FAAH2: variants seen among roughly 807,000 people sequenced by gnomAD.
FAAH2 encodes fatty acid amide hydrolase 2, also known as fatty-acid amide hydrolase 2.
FAAH2 carries 60 observed loss-of-function variants against 36.9 expected under a neutral mutation model. That is an observed-to-expected ratio of 1.63 (90% CI 1.32 to 2.02). The LOEUF is 2.02. Ranked by LOEUF, FAAH2 falls within the 30% of genes most tolerant of loss-of-function variation. The pLI is 0.00. For synonymous variants in FAAH2, 214 were observed against 143.8 expected, an observed-to-expected ratio of 1.49 and a Z score of -3.49; for missense variants, 689 against 397.5, an observed-to-expected ratio of 1.73 and a Z score of -6.23.
chrX:57,196,272 T>C, the FAAH2 span, among the ~76,000 whole-genome samples: 1 of 112,070 alleles, frequency 8.9e-6, no homozygotes. Flanking sequence ...GTAGAGGTCT[T>C]TTACCTCCTT....
At chrX:57,330,739 T>G (rs1433107020) in intron 3 of FAAH2, among the ~76,000 whole-genome samples, 1 of 111,725 alleles carries the variant, frequency 9.0e-6, no homozygotes, top group Non-Finnish European at 1.9e-5. Context: ...TCTGTTCCTT[T>G]ATTTCTCAAA....
chrX:57,310,567 G>A (rs2052664555), intron 2 of FAAH2, 26 bp from the exon 3 acceptor site: 1 of 1,180,253 alleles, frequency 8.5e-7, no homozygotes, highest in African/African-American at 1.8e-5. Flanking sequence ...TTTAGTTAAA[G>A]TTTGCATTGT....
intron 3 of FAAH2, among the ~76,000 whole-genome samples, chrX:57,319,594 G>A (rs901070691): frequency 8.9e-6 from 1 of 111,936 alleles, no homozygotes; most frequent in African/African-American, 3.2e-5. Context: ...TGGCCATACT[G>A]CCCAAGTAAT....
chrX:57,222,146 G>C, the FAAH2 span, among the ~76,000 whole-genome samples: 1 of 111,218 alleles, frequency 9.0e-6, no homozygotes, highest in African/African-American at 3.3e-5. Context: ...AGTCCCTCCT[G>C]CCTCCGCAAA....
the FAAH2 span, among the ~76,000 whole-genome samples, chrX:57,194,756 T>C: frequency 9.0e-6 from 1 of 110,800 alleles, no homozygotes; most frequent in Non-Finnish European, 1.9e-5. Context: ...TTCCACTCAG[T>C]ACCCAAAGTC....
At chrX:57,155,941 C>T in the FAAH2 span, among the ~76,000 whole-genome samples, 1 of 111,987 alleles carries the variant, frequency 8.9e-6, no homozygotes, top group Non-Finnish European at 1.9e-5. Flanking sequence ...TGATCTAGAC[C>T]TTCAGGTTAC....
the FAAH2 span, among the ~76,000 whole-genome samples, chrX:57,266,965 A>C: frequency 2.7e-5 from 3 of 112,195 alleles, no homozygotes; most frequent in African/African-American, 9.7e-5. Context: ...TGCACATCAG[A>C]TGGGGCTAGT....
chrX:57,447,463 A>T (rs2056699009), intron 9 of FAAH2, among the ~76,000 whole-genome samples: 1 of 106,753 alleles, frequency 9.4e-6, no homozygotes, highest in Non-Finnish European at 1.9e-5. Context: ...TTTCCCTTCC[A>T]CACTGCCCTA....
At chrX:57,376,169 A>G (rs2054671113) in intron 5 of FAAH2, among the ~76,000 whole-genome samples, 2 of 111,148 alleles carry the variant, frequency 1.8e-5, no homozygotes, top group African/African-American at 6.5e-5. Context: ...TCCCTTTTTC[A>G]TTCATGATAC....
At chrX:57,418,774 G>A (rs1313990920) in intron 7 of FAAH2, among the ~76,000 whole-genome samples, 5 of 108,743 alleles carry the variant, frequency 4.6e-5, no homozygotes, top group Non-Finnish European at 7.6e-5. Flanking sequence ...CAATGTGCAG[G>A]TTAGTTACAT....
At chrX:57,177,449 T>TACA in the FAAH2 span, among the ~76,000 whole-genome samples, 1 of 103,057 alleles carries the variant, frequency 9.7e-6, no homozygotes, top group East Asian at 3.0e-4. Flanking sequence ...ACACTTAAAG[T>TACA]ATAATAATAA....
the FAAH2 span, among the ~76,000 whole-genome samples, chrX:57,228,722 G>A: frequency 1.7e-4 from 19 of 111,597 alleles, no homozygotes; most frequent in Non-Finnish European, 3.2e-4. Flanking sequence ...AACCAGGTTC[G>A]TCCAGCTTTC....
chrX:57,369,732 A>G (rs1383439697), intron 5 of FAAH2, among the ~76,000 whole-genome samples: 9 of 112,143 alleles, frequency 8.0e-5, no homozygotes. Flanking sequence ...CTGGAAGTAA[A>G]CATATAGTTA....
chrX:57,298,996 T>C (rs758442859), intron 2 of FAAH2, among the ~76,000 whole-genome samples: 19 of 111,452 alleles, frequency 1.7e-4, no homozygotes, highest in South Asian at 1.1e-3. Flanking sequence ...CAGGACCAGA[T>C]GGATTCACAG....
chrX:57,435,048 TAA>T (rs775089264), intron 8 of FAAH2, among the ~76,000 whole-genome samples: 80 of 111,510 alleles, frequency 7.2e-4, no homozygotes, highest in Non-Finnish European at 1.3e-3. Flanking sequence ...GAAGGAGAAA[TAA>T]AGTCTTTTCC....
intron 8 of FAAH2, among the ~76,000 whole-genome samples, chrX:57,442,347 C>G (rs1324083117): frequency 1.8e-5 from 2 of 111,600 alleles, no homozygotes; most frequent in Non-Finnish European, 3.8e-5. Flanking sequence ...TGAATTGATC[C>G]CTTTACCATT....
intron 7 of FAAH2, among the ~76,000 whole-genome samples, 161 bp from the exon 8 acceptor site, chrX:57,431,757 G>GTT (rs2056300304): frequency 2.7e-5 from 1 of 37,629 alleles, no homozygotes. Context: ...GTTTTGTTTT[G>GTT]TTTTTGTTTT....
At chrX:57,227,617 T>G in the FAAH2 span, among the ~76,000 whole-genome samples, 1 of 111,728 alleles carries the variant, frequency 9.0e-6, no homozygotes, top group East Asian at 2.8e-4. Flanking sequence ...ATTTTTGTGC[T>G]GGTTGGCCTC....
chrX:57,183,943 A>G, the FAAH2 span, among the ~76,000 whole-genome samples: 1 of 110,160 alleles, frequency 9.1e-6, no homozygotes, highest in Non-Finnish European at 1.9e-5. Flanking sequence ...CCTGGGAGCC[A>G]CTCTGGGAAT....
Sources: allele counts gnomAD v4.1 joint callset (sites outside exome capture counted in the v4.1 genomes callset), GRCh38; gene constraint gnomAD v4.1.1; transcripts MANE v1.5; gene names NCBI Gene and HGNC (gene_info 2026-07-23, HGNC 2026-07-21).